COL13A1: variants seen among roughly 807,000 people sequenced by gnomAD.
COL13A1 encodes collagen alpha-1(XIII) chain.
A neutral mutation model predicts 130.9 loss-of-function variants in COL13A1; 89 were observed. The observed-to-expected ratio is 0.68, with a 90% CI of 0.57 to 0.81. The LOEUF (loss-of-function observed/expected upper bound fraction) is 0.81. COL13A1 is among the 30% of genes least tolerant of loss of function. The pLI is 0.00. For missense variants in COL13A1, 879 were observed against 934.6 expected (o/e 0.94, Z 0.78); for synonymous variants, 402 against 341.6 (o/e 1.18, Z -1.95).
chr10:69,840,092 G>C (rs986056895), intron 2 of COL13A1, among the ~76,000 whole-genome samples: 1 of 152,212 alleles, frequency 6.6e-6, no homozygotes, highest in Admixed American at 6.5e-5. Flanking sequence ...ATGTGCTAGA[G>C]GTGACGCTAG....
intron 15 of COL13A1, among the ~76,000 whole-genome samples, chr10:69,903,371 C>T (rs375369308): frequency 6.6e-6 from 1 of 152,234 alleles, no homozygotes; most frequent in African/African-American, 2.4e-5. Context: ...ATCAAGCCTG[C>T]GGGGCCTGCA....
chr10:69,855,084 G>C (rs912757988), intron 2 of COL13A1, among the ~76,000 whole-genome samples: 3 of 152,214 alleles, frequency 2.0e-5, no homozygotes, highest in Non-Finnish European at 4.4e-5. Context: ...TATGGAGCCT[G>C]GGTGTTTACA....
At chr10:69,941,447 T>C (rs1266865336) in intron 35 of COL13A1, among the ~76,000 whole-genome samples, 1 of 152,194 alleles carries the variant, frequency 6.6e-6, no homozygotes, top group Non-Finnish European at 1.5e-5. Flanking sequence ...TCTCCTGTCT[T>C]CCCACGAGGG....
At chr10:69,918,428 A>G in intron 19 of COL13A1, 111 bp downstream of exon 19, 1 of 1,050,086 alleles carries the variant, frequency 9.5e-7, no homozygotes, top group Non-Finnish European at 1.4e-6. Context: ...ATGAGGGGGC[A>G]TACAGGATTT....
chr10:69,855,147 T>C (rs1013256517), intron 2 of COL13A1, among the ~76,000 whole-genome samples: 1 of 152,172 alleles, frequency 6.6e-6, no homozygotes, highest in South Asian at 2.1e-4. Context: ...AAATAGTAAA[T>C]AGACACAGTG....
intron 26 of COL13A1, 144 bp downstream of exon 26, chr10:69,926,016 C>T (rs768841770): frequency 1.2e-5 from 8 of 661,618 alleles, no homozygotes; most frequent in African/African-American, 9.1e-5. Flanking sequence ...GCTGCTTCCT[C>T]GCTTTCTCTC....
chr10:69,933,839 G>A (rs551594524), intron 31 of COL13A1, among the ~76,000 whole-genome samples: 1 of 152,126 alleles, frequency 6.6e-6, no homozygotes, highest in African/African-American at 2.4e-5. Flanking sequence ...CCACGTCTGA[G>A]CACTTCCCTC....
Position 69,956,934 on chromosome 10 carries a change from A to G in COL13A1, c.2146-70A>G. 4 of 1,264,718 alleles carry G rather than the reference A, an allele frequency of 3.2e-6. No individual in the cohort carries two copies. In the South Asian group the frequency reaches 3.6e-5, roughly 11 times the overall value. 78.3% of individuals were successfully genotyped at this position (1,264,718 alleles called of 1,614,324 possible). A position where few individuals can be genotyped will look rare whatever the true frequency, so the allele number is the denominator to read the frequency against. ...TGCCAAAATGCGTGTGGCCCTTGTTACCCCTGTCCTGCCCACTTGGTGGAC... is the reference window on the plus strand; with the variant it reads ...TGCCAAAATGCGTGTGGCCCTTGTTGCCCCTGTCCTGCCCACTTGGTGGAC... On this transcript the variant is annotated intron_variant, in intron 39 of 40. Coordinates refer to ENST00000645393, the MANE Select transcript of COL13A1 (RefSeq NM_001368882.1).
chr10:69,894,825 G>A (rs1295466299), intron 12 of COL13A1, 124 bp downstream of exon 12: 10 of 1,299,570 alleles, frequency 7.7e-6, no homozygotes, highest in South Asian at 2.5e-5. Flanking sequence ...GAAAGCCCCC[G>A]AGGTGCCGCA....
chr10:69,925,666 C>A, intron 25 of COL13A1, 138 bp from the exon 26 acceptor site: 1 of 643,694 alleles, frequency 1.6e-6, no homozygotes, highest in South Asian at 1.9e-5. Context: ...TTCAGAATCC[C>A]CAGGGCCCCG....
intron 1 of COL13A1, among the ~76,000 whole-genome samples, chr10:69,808,978 A>C (rs1842292086): frequency 6.6e-6 from 1 of 152,156 alleles, no homozygotes; most frequent in African/African-American, 2.4e-5. Context: ...AGGCTCAGTG[A>C]TGTGTTCCCC....
chr10:69,880,124 C>T (rs1406437511), intron 6 of COL13A1, among the ~76,000 whole-genome samples: 1 of 152,056 alleles, frequency 6.6e-6, no homozygotes, highest in African/African-American at 2.4e-5. Flanking sequence ...CCCTGTGTCT[C>T]CCTGTTTCCC....
intron 1 of COL13A1, among the ~76,000 whole-genome samples, chr10:69,810,032 T>A (rs1458144127): frequency 6.6e-6 from 1 of 152,206 alleles, no homozygotes; most frequent in Non-Finnish European, 1.5e-5. Context: ...CCTTACTGTA[T>A]ACTGTCTGTC....
chr10:69,824,026 C>T (rs545995815), intron 2 of COL13A1: 81 of 461,594 alleles, frequency 1.8e-4, no homozygotes, highest in Admixed American at 3.2e-4. Context: ...GTATAGAATG[C>T]TGGTCAAGGG....
chr10:69,936,176 GGAAAGGA>G lies in COL13A1; in HGVS notation c.1771-579_1771-573del, dbSNP rs1456092371. ...AGGAAGGAAGGAAGGAAGGAAGGAA[GGAAAGGA>G]AAGGAAGGAAGGAAGGGCGAGCCCC... is the stretch of plus-strand genomic sequence containing the variant. On this transcript the variant is annotated intron_variant, in intron 32 of 40. Transcript: ENST00000645393. Among the ~76,000 whole-genome samples the G allele has an allele frequency of 7.5e-3, 56 of 7,462 alleles. 2 individuals are homozygous for G. Among genetic ancestry groups the G allele is most frequent in the Admixed American group, 0.045 (24 of 534 alleles). 4.9% of individuals were successfully genotyped at this position (7,462 alleles called of 152,430 possible). A position where few individuals can be genotyped will look rare whatever the true frequency, so the allele number is the denominator to read the frequency against.
chr10:69,917,717 A>C (rs926411182), intron 18 of COL13A1, among the ~76,000 whole-genome samples: 10 of 127,702 alleles, frequency 7.8e-5, no homozygotes, highest in African/African-American at 3.0e-4. Context: ...CAGCTTTCAC[A>C]AAGCTGATAT....
rs747222230 is a variant in COL13A1 at position 69,802,758 on chromosome 10, C to A, written c.294+41C>A. On this transcript the variant is annotated intron_variant, in intron 1 of 40. Transcript: ENST00000645393. ...TGCTGGCTTTTATCCCTCCCCGCGG[C>A]GCCCCCTCGCGCAGCCTCCAGACTG... 4.4e-6 allele frequency: 7 copies of A among 1,603,138 alleles called. No homozygotes were observed. In the South Asian group the frequency reaches 5.6e-5, roughly 13 times the overall value.
chr10:69,895,486 C>T, intron 12 of COL13A1, 64 bp from the exon 13 acceptor site: 1 of 1,566,010 alleles, frequency 6.4e-7, no homozygotes, highest in East Asian at 2.2e-5. Context: ...GCTGGGGGTG[C>T]CCTGAGAAAC....
intron 2 of COL13A1, among the ~76,000 whole-genome samples, chr10:69,851,148 C>T (rs7100823): frequency 0.044 from 6,704 of 152,306 alleles, 502 homozygotes; most frequent in African/African-American, 0.15. Flanking sequence ...GATTCTGTGG[C>T]ATTCCTGCGT....
Sources: gnomAD v4.1 joint callset for allele counts (sites outside exome capture counted in the v4.1 genomes callset) on GRCh38, gnomAD v4.1.1 for gene constraint, MANE v1.5 for transcripts, NCBI Gene and HGNC (gene_info 2026-07-23, HGNC 2026-07-21) for gene names.